Variants in GRID2 observed in about 807,000 individuals in gnomAD.
GRID2 encodes the protein glutamate receptor ionotropic, delta-2.
GRID2 carries 33 observed loss-of-function variants against 114.8 expected under a neutral mutation model. The ratio of observed to expected loss-of-function variants is 0.29; its 90% CI spans 0.22 to 0.38. The LOEUF (loss-of-function observed/expected upper bound fraction) is 0.38. Ranked by LOEUF, GRID2 falls within the 10% of genes least tolerant of loss-of-function variation. The pLI, the probability that GRID2 is intolerant of heterozygous loss-of-function variation, is 1.00. For synonymous variants in GRID2, 505 were observed against 449.9 expected (o/e 1.12, Z -1.55); for missense variants, 1,184 against 1,257.7 (o/e 0.94, Z 0.89).
intron 8 of GRID2, among the ~76,000 whole-genome samples, chr4:93,376,955 G>A (rs1050708960): frequency 6.6e-6 from 1 of 152,146 alleles, no homozygotes; most frequent in African/African-American, 2.4e-5. Context: ...TGCACATCCT[G>A]CACATGTACC....
chr4:92,407,397 G>A (rs1479030671), intron 1 of GRID2, among the ~76,000 whole-genome samples: 2 of 152,164 alleles, frequency 1.3e-5, no homozygotes, highest in Non-Finnish European at 2.9e-5. Context: ...GAACATATAG[G>A]TGCGTAGGTC....
chr4:93,801,787 C>G (rs1289961551), intron 1 of GRID2, among the ~76,000 whole-genome samples: 2 of 152,090 alleles, frequency 1.3e-5, no homozygotes, highest in Non-Finnish European at 2.9e-5. Flanking sequence ...AACAGTAAAA[C>G]AGAAACAACT....
intron 8 of GRID2, among the ~76,000 whole-genome samples, chr4:93,366,491 A>G (rs913437769): frequency 3.5e-4 from 54 of 152,230 alleles, no homozygotes; most frequent in African/African-American, 1.1e-3. Flanking sequence ...GATGTTGTCA[A>G]TGACAATGGT....
At chr4:93,253,431 C>T (rs1477067630) in intron 8 of GRID2, among the ~76,000 whole-genome samples, 2 of 151,828 alleles carry the variant, frequency 1.3e-5, no homozygotes, top group Admixed American at 6.6e-5. Context: ...AATATTAGAT[C>T]GTTTTAAATA....
chr4:92,550,692 G>A (rs984551611), intron 1 of GRID2, among the ~76,000 whole-genome samples: 3 of 151,988 alleles, frequency 2.0e-5, no homozygotes, highest in African/African-American at 7.2e-5. Context: ...TTTACAGCAC[G>A]GAGAAGAACC....
chr4:92,785,921 A>G (rs930564573), intron 2 of GRID2, among the ~76,000 whole-genome samples: 6 of 151,872 alleles, frequency 4.0e-5, no homozygotes, highest in African/African-American at 1.4e-4. Context: ...TGAAAATGAC[A>G]GGGTTGGAAC....
chr4:92,433,586 CCTG>C lies in GRID2; in HGVS notation c.88+128849_88+128851del, dbSNP rs893083736. ...TGCAAGCACACAGATTCTCTCCCCACCTGCTGCTGGGGAGTTGGGGAGGGGTGG... is the reference window on the plus strand; with the variant it reads ...TGCAAGCACACAGATTCTCTCCCCACCTGCTGGGGAGTTGGGGAGGGGTGG... On this transcript the variant is annotated intron_variant, in intron 1 of 15. Coordinates refer to ENST00000282020, the MANE Select transcript of GRID2 (RefSeq NM_001510.4). 1.4e-4 allele frequency among the ~76,000 whole-genome samples: 22 copies of C among 152,270 alleles called. No homozygotes were observed. In the South Asian group the frequency reaches 1.9e-3, roughly 13 times the overall value.
intron 1 of GRID2, among the ~76,000 whole-genome samples, chr4:92,378,315 A>G (rs1729452210): frequency 6.6e-6 from 1 of 152,102 alleles, no homozygotes; most frequent in South Asian, 2.1e-4. Flanking sequence ...AAATTTGTGC[A>G]CTGTATATGT....
At chr4:93,551,934 G>T (rs906029630) in intron 13 of GRID2, among the ~76,000 whole-genome samples, 5 of 152,058 alleles carry the variant, frequency 3.3e-5, no homozygotes, top group African/African-American at 9.7e-5. Flanking sequence ...CAACGTGCAG[G>T]TTTGTTACAT....
At chr4:93,803,435 CT>C (rs1296149438) in intron 1 of GRID2, among the ~76,000 whole-genome samples, 2 of 152,028 alleles carry the variant, frequency 1.3e-5, no homozygotes. Context: ...AAAACCACAC[CT>C]TTTTTGGCCG....
chr4:92,588,746 T>A (rs1326484483), intron 1 of GRID2, among the ~76,000 whole-genome samples: 2 of 150,454 alleles, frequency 1.3e-5, no homozygotes, highest in African/African-American at 2.5e-5. Flanking sequence ...TGGACAGGTA[T>A]TCAAAATATA....
At chr4:92,938,816 T>C (rs988898697) in intron 2 of GRID2, among the ~76,000 whole-genome samples, 1 of 145,244 alleles carries the variant, frequency 6.9e-6, no homozygotes, top group Non-Finnish European at 1.5e-5. Context: ...CATGCAGTGT[T>C]TGGTTTTTTG....
intron 2 of GRID2, among the ~76,000 whole-genome samples, chr4:92,801,755 A>T (rs1314631806): frequency 6.6e-6 from 1 of 151,616 alleles, no homozygotes; most frequent in East Asian, 2.0e-4. Flanking sequence ...GCTTAAATAG[A>T]TGCCAAGTAC....
At chr4:93,072,673 A>G (rs990028810) in intron 2 of GRID2, among the ~76,000 whole-genome samples, 3 of 152,118 alleles carry the variant, frequency 2.0e-5, no homozygotes, top group Non-Finnish European at 4.4e-5. Context: ...AAAGACTCAC[A>G]TATGAATGGT....
chr4:92,592,076 G>A (rs1045845647), intron 2 of GRID2, among the ~76,000 whole-genome samples: 2 of 151,794 alleles, frequency 1.3e-5, no homozygotes, highest in South Asian at 2.1e-4. Flanking sequence ...GAAGGATCTG[G>A]AAAATCATAA....
At chr4:93,420,865 G>A (rs1443267243) in intron 9 of GRID2, among the ~76,000 whole-genome samples, 4 of 151,646 alleles carry the variant, frequency 2.6e-5, no homozygotes, top group East Asian at 1.9e-4. Flanking sequence ...GCCATTCTCC[G>A]GCTGCAGCCT....
intron 2 of GRID2, among the ~76,000 whole-genome samples, chr4:93,072,109 C>G (rs1234061052): frequency 6.6e-6 from 1 of 152,078 alleles, no homozygotes; most frequent in East Asian, 1.9e-4. Flanking sequence ...AAACTTCCTC[C>G]TCTGCTTTGA....
At chr4:93,402,695 A>G (rs2149340709) in intron 9 of GRID2, among the ~76,000 whole-genome samples, 1 of 152,190 alleles carries the variant, frequency 6.6e-6, no homozygotes, top group African/African-American at 2.4e-5. Context: ...AAAATGCACA[A>G]AAAACACCTA....
chr4:93,660,017 A>ATT (rs141034755), intron 14 of GRID2, among the ~76,000 whole-genome samples: 2 of 150,382 alleles, frequency 1.3e-5, no homozygotes, highest in Admixed American at 6.6e-5. Context: ...ACTATTCGTG[A>ATT]TTTTTTTTTT....
Sources: allele counts gnomAD v4.1 joint callset (sites outside exome capture counted in the v4.1 genomes callset), GRCh38; gene constraint gnomAD v4.1.1; transcripts MANE v1.5; gene names NCBI Gene and HGNC (gene_info 2026-07-23, HGNC 2026-07-21).